The following NUP98 variants were observed in gnomAD, a reference collection of about 807,000 sequenced individuals.
The protein encoded by NUP98 is nucleoporin 98 and 96 precursor, also known as nuclear pore complex protein Nup98-Nup96.
In NUP98, 26 loss-of-function variants were observed where a neutral mutation model predicts 191.9. That is an observed-to-expected ratio of 0.14 (90% CI 0.10 to 0.19). NUP98 has a LOEUF of 0.19. NUP98 is among the 10% of genes least tolerant of loss of function. The pLI is 1.00. For synonymous variants in NUP98, 808 were observed against 778.4 expected, an observed-to-expected ratio of 1.04 and a Z score of -0.63; for missense variants, 1,941 against 2,178.8, an observed-to-expected ratio of 0.89 and a Z score of 2.17.
intron 14 of NUP98, among the ~76,000 whole-genome samples, chr11:3,726,817 A>G (rs1010935971): frequency 1.3e-5 from 2 of 151,060 alleles, no homozygotes; most frequent in African/African-American, 4.9e-5. Context: ...GCTGGAGTAC[A>G]GTGGTGGTAT....
intron 14 of NUP98, among the ~76,000 whole-genome samples, chr11:3,727,440 C>A (rs2079662602): frequency 6.6e-6 from 1 of 152,158 alleles, no homozygotes; most frequent in Admixed American, 6.5e-5. Flanking sequence ...ACTACTGAGG[C>A]ATGTGGAAAG....
At position 3,702,665 on chromosome 11, in the gene NUP98, C is replaced by T. The variant is rs2078745269; in HGVS notation, c.3310G>A (p.Glu1104Lys). 1 of 1,614,018 alleles carries T rather than the reference C, an allele frequency of 6.2e-7. No homozygotes were observed. The highest frequency in any genetic ancestry group is 1.3e-5 in the African/African-American group (1 of 74,910). ...CCCTTGCCATAGGTGACAGACTTTT[C>T]ACGAGGGACTAGGCCTAGTTGCCTA... is the stretch of plus-strand genomic sequence containing the variant. ...TRRQLGLVPR[E>K]KSVTYGKGKL... Residue 1104 changes from glutamate to lysine, a missense_variant, in exon 23 of 33, where the codon GAA (glutamate) becomes AAA (lysine). This residue lies in a region of NUP98 where 1,030 missense variants were observed against 1,115.8 expected (regional missense o/e 0.92). Transcript: ENST00000324932.
rs569978930 is a variant in NUP98 at position 3,776,127 on chromosome 11, T to TA, written c.356-107_356-106insT. ...ACTAGCATCACAGTACTTCATTTTTTTTTTTTTTTTTTGAGACAGGGTCTT... is the reference window on the plus strand; with the variant it reads ...ACTAGCATCACAGTACTTCATTTTTTATTTTTTTTTTTTGAGACAGGGTCTT... On this transcript the variant is annotated intron_variant, in intron 4 of 32. Coordinates refer to ENST00000324932, the MANE Select transcript of NUP98 (RefSeq NM_016320.5). 1,217 of 818,500 alleles carry TA rather than the reference T, an allele frequency of 1.5e-3. 6 individuals are homozygous for TA. The highest frequency in any genetic ancestry group is 2.0e-3 in the Non-Finnish European group (1,036 of 515,564). 50.7% of individuals were successfully genotyped at this position (818,500 alleles called of 1,614,324 possible). A position where few individuals can be genotyped will look rare whatever the true frequency, so the allele number is the denominator to read the frequency against.
intron 28 of NUP98, among the ~76,000 whole-genome samples, chr11:3,690,426 AT>A (rs2078276616): frequency 6.6e-6 from 1 of 151,080 alleles, no homozygotes; most frequent in Non-Finnish European, 1.5e-5. Flanking sequence ...CGTCCAGATA[AT>A]TTTTTTGTAT....
chr11:3,789,026 A>T (rs1231596879), intron 1 of NUP98, among the ~76,000 whole-genome samples: 1 of 152,096 alleles, frequency 6.6e-6, no homozygotes, highest in South Asian at 2.1e-4. Flanking sequence ...ATAAAAAGTT[A>T]AAAAAATAAA....
intron 27 of NUP98, among the ~76,000 whole-genome samples, chr11:3,692,778 C>G (rs1276788878): frequency 6.6e-6 from 1 of 152,066 alleles, no homozygotes; most frequent in Non-Finnish European, 1.5e-5. Context: ...TTCTCTTACT[C>G]CTGACAAATA....
intron 23 of NUP98, among the ~76,000 whole-genome samples, chr11:3,701,810 TGACTA>T (rs1335296801): frequency 6.6e-6 from 1 of 151,614 alleles, no homozygotes; most frequent in African/African-American, 2.4e-5. Context: ...CTCAGCCTCC[TGACTA>T]GCTGGGTCTA....
chr11:3,795,216 G>A (rs1409195642), intron 1 of NUP98, among the ~76,000 whole-genome samples: 1 of 152,152 alleles, frequency 6.6e-6, no homozygotes, highest in Non-Finnish European at 1.5e-5. Context: ...CGAGGTGGGG[G>A]ATGGCTTGAG....
At chr11:3,763,425 C>A (rs939644583) in intron 8 of NUP98, among the ~76,000 whole-genome samples, 2 of 152,112 alleles carry the variant, frequency 1.3e-5, no homozygotes, top group Non-Finnish European at 2.9e-5. Context: ...ATGTCTAGGT[C>A]CTTCATTTTC....
In NUP98 at chr11:3,676,687, C is replaced by A. The variant is rs771050241; in HGVS notation, c.5074-67G>T. 2.1e-5 allele frequency: 26 copies of A among 1,219,904 alleles called. No homozygotes were observed. In the South Asian group the frequency reaches 3.1e-4, roughly 15 times the overall value. 75.6% of individuals were successfully genotyped at this position (1,219,904 alleles called of 1,614,324 possible). A position where few individuals can be genotyped will look rare whatever the true frequency, so the allele number is the denominator to read the frequency against. On this transcript the variant is annotated intron_variant, in intron 31 of 32. Transcript: ENST00000324932. The stretch of plus-strand genomic sequence containing the variant: ...CTATCACTCCAATCCCACCTATAGA[C>A]TCTACACAAAACCTTGAAACAACAG...
intron 4 of NUP98, among the ~76,000 whole-genome samples, chr11:3,776,305 T>C (rs1488447431): frequency 6.6e-6 from 1 of 151,676 alleles, no homozygotes; most frequent in Middle Eastern, 3.4e-3. Context: ...TTTTAATTTT[T>C]GTAGAGACTG....
At chr11:3,697,652 TA>T (rs1041054033) in intron 25 of NUP98, among the ~76,000 whole-genome samples, 2 of 148,818 alleles carry the variant, frequency 1.3e-5, no homozygotes, top group Non-Finnish European at 1.5e-5. Flanking sequence ...CTACTAAAAA[TA>T]AAAAAAAAGA....
chr11:3,683,806 A>G (rs537747221), intron 29 of NUP98, among the ~76,000 whole-genome samples: 33 of 152,124 alleles, frequency 2.2e-4, no homozygotes, highest in African/African-American at 7.7e-4. Context: ...CCAAAGTGCC[A>G]GGATTACAGG....
rs935378203 is a variant in NUP98 at position 3,775,928 on chromosome 11, G to A, written c.449C>T (p.Pro150Leu). Residue 150 changes from proline (P) to leucine (L), a missense_variant, in exon 5 of 33, where the codon CCA (proline) becomes CTA (leucine). Pro to Leu is a moderately conservative substitution (Grantham distance 98). Around this residue, in one of 6 missense-constraint regions of NUP98, gnomAD observed 154 missense variants for 182.9 expected, o/e 0.84. Coordinates refer to ENST00000324932, the MANE Select transcript of NUP98 (RefSeq NM_016320.5). ...AGTAGGAGCAGCTGTAAAACTACTTGGCCCAAAGAGGGAGCCAGATGTGCT... is the reference window on the plus strand; with the variant it reads ...AGTAGGAGCAGCTGTAAAACTACTTAGCCCAAAGAGGGAGCCAGATGTGCT... The part of the protein sequence containing the change: ...FGSTSGSLFG[P>L]SSFTAAPTGT... 6.2e-7 allele frequency: 1 copy of A among 1,613,540 alleles called. No homozygotes were observed. Among genetic ancestry groups the A allele is most frequent in the Non-Finnish European group, 8.5e-7 (1 of 1,179,636 alleles).
intron 13 of NUP98, 109 bp downstream of exon 13, chr11:3,735,082 C>T (rs950504176): frequency 4.1e-6 from 4 of 970,856 alleles, no homozygotes; most frequent in Non-Finnish European, 5.6e-6. Context: ...AAATTAATTA[C>T]ACCTAGCTTT....
At chr11:3,794,871 T>C (rs1170565693) in intron 1 of NUP98, among the ~76,000 whole-genome samples, 2 of 152,160 alleles carry the variant, frequency 1.3e-5, no homozygotes, top group Non-Finnish European at 2.9e-5. Flanking sequence ...GCCTTGACCT[T>C]TGAAGTGCTG....
chr11:3,793,595 A>G (rs537502348), intron 1 of NUP98, among the ~76,000 whole-genome samples: 4 of 152,034 alleles, frequency 2.6e-5, no homozygotes, highest in South Asian at 4.2e-4. Flanking sequence ...AGCTACCACT[A>G]TATTTTTAAG....
At chr11:3,716,564 C>T (rs2079190693) in intron 18 of NUP98, among the ~76,000 whole-genome samples, 1 of 151,894 alleles carries the variant, frequency 6.6e-6, no homozygotes, top group Admixed American at 6.6e-5. Flanking sequence ...CAAAAATTAG[C>T]CGGGCGTGGT....
rs755816362 is a variant in NUP98 at position 3,729,715 on chromosome 11, C to CAAAAAA, written c.1730+1670_1730+1675dup. 2.6e-3 allele frequency among the ~76,000 whole-genome samples: 98 copies of CAAAAAA among 37,406 alleles called. 3 individuals are homozygous for CAAAAAA. The highest frequency in any genetic ancestry group is 3.4e-3 in the African/African-American group (38 of 11,296). 24.5% of individuals were successfully genotyped at this position (37,406 alleles called of 152,430 possible). A position where few individuals can be genotyped will look rare whatever the true frequency, so the allele number is the denominator to read the frequency against. On this transcript the variant is annotated intron_variant, in intron 14 of 32. Transcript: ENST00000324932. ...GGGCAATGGCATAAGACTCTTGCCTCAAAAAAAAAAAAAAAAAAAAAAAAA... is the reference window on the plus strand; with the variant it reads ...GGGCAATGGCATAAGACTCTTGCCTCAAAAAAAAAAAAAAAAAAAAAAAAAAAAAAA...
Sources: allele counts gnomAD v4.1 joint callset (sites outside exome capture counted in the v4.1 genomes callset), GRCh38; gene constraint gnomAD v4.1.1; regional missense constraint gnomAD v4.1.1; transcripts MANE v1.5; gene names NCBI Gene and HGNC (gene_info 2026-07-23, HGNC 2026-07-21).